Variants in IARS2 observed in about 807,000 individuals in gnomAD.
The protein encoded by IARS2 is isoleucine--tRNA ligase, mitochondrial.
IARS2 carries 56 observed loss-of-function variants against 126.3 expected under a neutral mutation model. The observed-to-expected ratio is 0.44, with a 90% CI of 0.36 to 0.55. The LOEUF (loss-of-function observed/expected upper bound fraction) is 0.55, where lower values mean the gene tolerates loss of function less well. IARS2 is among the 20% of genes least tolerant of loss of function. The pLI is 0.00. For synonymous variants in IARS2, 407 were observed against 441.1 expected (o/e 0.92, Z 0.97); for missense variants, 1,127 against 1,245.9 (o/e 0.90, Z 1.44).
intron 18 of IARS2, among the ~76,000 whole-genome samples, chr1:220,139,665 C>T (rs1305511205): frequency 2.6e-5 from 4 of 151,974 alleles, no homozygotes; most frequent in Middle Eastern, 3.2e-3. Context: ...GCAGGAGAAT[C>T]GCTTGAGCCC....
chr1:220,147,590 A>C lies in IARS2; in HGVS notation c.2994A>C (p.Ser998=). 6.2e-7 allele frequency: 1 copy of C among 1,614,176 alleles called. No individual in the cohort carries two copies. The highest frequency in any genetic ancestry group is 1.3e-5 in the African/African-American group (1 of 75,052). ...GTTGGAAGTATACAGCGGAGTCTTC[A>C]GATACACTGTGTCCTCGATGTGCAG... The part of the protein sequence containing the change: ...PRCWKYTAES[S]DTLCPRCAEV... The change falls in exon 23 of 23, where the codon TCA becomes TCC. Residue 998 remains serine (S), a synonymous_variant. Coordinates refer to ENST00000366922, the MANE Select transcript of IARS2 (RefSeq NM_018060.4).
Position 220,147,987 on chromosome 1 carries a change from T to C in IARS2, c.*352T>C, listed in dbSNP as rs1178788963. Reference sequence around the variant, plus strand: ...TGTTTTATATTTTATAAATCATCTTTTGACTCTGTATTTAAATTCTATGAT... The same window carrying C: ...TGTTTTATATTTTATAAATCATCTTCTGACTCTGTATTTAAATTCTATGAT... On this transcript the variant is annotated 3_prime_UTR_variant, in exon 23 of 23. Coordinates refer to ENST00000366922, the MANE Select transcript of IARS2 (RefSeq NM_018060.4). 2.6e-6 allele frequency: 1 copy of C among 389,866 alleles called. No homozygotes were observed. The highest frequency in any genetic ancestry group is 2.1e-5 in the African/African-American group (1 of 48,444). 24.2% of individuals were successfully genotyped at this position (389,866 alleles called of 1,614,324 possible). A position where few individuals can be genotyped will look rare whatever the true frequency, so the allele number is the denominator to read the frequency against.
intron 12 of IARS2, among the ~76,000 whole-genome samples, chr1:220,116,094 A>G (rs1168513842): frequency 6.6e-6 from 1 of 152,144 alleles, no homozygotes; most frequent in African/African-American, 2.4e-5. Flanking sequence ...CTGTAGTCCC[A>G]GCGACTTGGG....
At chr1:220,111,972 GT>G (rs947986188) in intron 11 of IARS2, among the ~76,000 whole-genome samples, 11 of 148,712 alleles carry the variant, frequency 7.4e-5, no homozygotes, top group East Asian at 2.0e-4. Context: ...TTTAAGCCAA[GT>G]TTTTTTTTTA....
In IARS2 at chr1:220,102,592, G is replaced by C; in HGVS notation, c.847G>C (p.Ala283Pro). 2 of 1,609,884 alleles carry C rather than the reference G, an allele frequency of 1.2e-6. No individual in the cohort carries two copies. Among genetic ancestry groups the C allele is most frequent in the Non-Finnish European group, 1.7e-6 (2 of 1,176,348 alleles). The change falls in exon 6 of 23, where the codon GCA (alanine) becomes CCA (proline). Residue 283 changes from alanine to proline, a missense_variant. Coordinates refer to ENST00000366922, the MANE Select transcript of IARS2 (RefSeq NM_018060.4). ...FPLLKPSPKL[A>P]SLIDGSSPVS... ...TCTCTTAAAGCCTTCTCCAAAATTG[G>C]CATCTCTTATAGGTAAGATTTATTC...
intron 12 of IARS2, among the ~76,000 whole-genome samples, chr1:220,120,085 T>C (rs1452120214): frequency 6.6e-6 from 1 of 150,688 alleles, no homozygotes; most frequent in East Asian, 1.9e-4. Flanking sequence ...TGTCACACTT[T>C]TTTTTTTTTT....
At chr1:220,120,128 C>G (rs2102828996) in intron 12 of IARS2, among the ~76,000 whole-genome samples, 1 of 149,286 alleles carries the variant, frequency 6.7e-6, no homozygotes, top group Non-Finnish European at 1.5e-5. Context: ...GTTCCCCAGG[C>G]TGGAGTGCAA....
chr1:220,096,151 A>C lies in IARS2; in HGVS notation c.315A>C (p.Val105=), dbSNP rs1014611676. Reference sequence around the variant, plus strand: ...ATTCATGGCAAAGAGAAAGAAAAGTAAAGACAGAATTTTGCCTTCATGATG... The same window carrying C: ...ATTCATGGCAAAGAGAAAGAAAAGTCAAGACAGAATTTTGCCTTCATGATG... The part of the protein sequence containing the change: ...ELYSWQRERK[V]KTEFCLHDGP... The change falls in exon 2 of 23, where the codon GTA becomes GTC. Residue 105 remains valine (V), a synonymous_variant. Coordinates refer to ENST00000366922, the MANE Select transcript of IARS2 (RefSeq NM_018060.4). 1.9e-6 allele frequency: 3 copies of C among 1,552,938 alleles called. No homozygotes were observed. The South Asian group carries it at 3.4e-5, about 18-fold the overall frequency.
chr1:220,094,710 TTAA>T (rs1558117105), intron 1 of IARS2, among the ~76,000 whole-genome samples: 1 of 152,334 alleles, frequency 6.6e-6, no homozygotes, highest in East Asian at 1.9e-4. Context: ...GAGCGGGACA[TTAA>T]GGGGTCACTA....
chr1:220,126,061 C>T (rs1330580446), intron 13 of IARS2, among the ~76,000 whole-genome samples: 6 of 149,238 alleles, frequency 4.0e-5, no homozygotes, highest in Admixed American at 3.4e-4. Flanking sequence ...GAGCCGAGAT[C>T]GCACCACTGC....
chr1:220,140,085 T>C, intron 18 of IARS2, 98 bp from the exon 19 acceptor site: 4 of 714,304 alleles, frequency 5.6e-6, no homozygotes, highest in Non-Finnish European at 1.0e-5. Flanking sequence ...TTTGTCTCAT[T>C]GAAACATATT....
At position 220,102,286 on chromosome 1, in the gene IARS2, G is replaced by A. The variant is rs1656594338; in HGVS notation, c.699+9G>A. On this transcript the variant is annotated intron_variant, in intron 4 of 22. Coordinates refer to ENST00000366922, the MANE Select transcript of IARS2 (RefSeq NM_018060.4). The stretch of plus-strand genomic sequence containing the variant: ...ACCAAATGTATGATAAGGTAAAGAA[G>A]TATTTTTTCTCTTTGAGTAGGTTTT... The A allele has an allele frequency of 6.2e-7, 1 of 1,603,964 alleles. No individual in the cohort carries two copies. Among genetic ancestry groups the A allele is most frequent in the Admixed American group, 1.8e-5 (1 of 56,840 alleles).
Position 220,094,257 on chromosome 1 carries a change from C to T in IARS2, c.41C>T (p.Ala14Val), listed in dbSNP as rs2577154. The T allele has an allele frequency of 8.2e-3, 13,124 of 1,605,590 alleles. 845 individuals carry two copies. The African/African-American group carries it at 0.15, about 18-fold the overall frequency. The change falls in exon 1 of 23, where the codon GCC becomes GTC. Residue 14 changes from alanine (A) to valine (V), a missense_variant. Ala to Val is a moderately conservative substitution (Grantham distance 64, BLOSUM62 0). Transcript: ENST00000366922. ...CGCCCTCGCGGGCCGGGCGCGGCCGCCCTGGCCACTGCCCGAAGTTTGTGG... is the reference window on the plus strand; with the variant it reads ...CGCCCTCGCGGGCCGGGCGCGGCCGTCCTGGCCACTGCCCGAAGTTTGTGG... ...GLRPRGPGAA[A>V]LATARSLWGT...
At position 220,102,119 on chromosome 1, in the gene IARS2, T is replaced by C. The variant is rs1656588209; in HGVS notation, c.551-10T>C. On this transcript the variant is annotated splice_polypyrimidine_tract_variant and intron_variant, in intron 3 of 22. Coordinates refer to ENST00000366922, the MANE Select transcript of IARS2 (RefSeq NM_018060.4). ...GGTTTTTTAAAATCTTTTTTTCGTC[T>C]TTTTTTTAGCTAGATCATTTGCTAA... 2 of 1,574,024 alleles carry C rather than the reference T, an allele frequency of 1.3e-6. No individual in the cohort carries two copies. The highest frequency in any genetic ancestry group is 1.4e-5 in the African/African-American group (1 of 72,712).
intron 11 of IARS2, among the ~76,000 whole-genome samples, chr1:220,113,482 G>C (rs1656851514): frequency 6.6e-6 from 1 of 152,150 alleles, no homozygotes; most frequent in Middle Eastern, 3.2e-3. Flanking sequence ...CCTTTTTGGA[G>C]ACTATTAGTA....
intron 15 of IARS2, among the ~76,000 whole-genome samples, 167 bp from the exon 16 acceptor site, chr1:220,136,642 A>G (rs996849809): frequency 1.3e-4 from 19 of 151,734 alleles, no homozygotes; most frequent in Non-Finnish European, 2.7e-4. Context: ...CTCAAAAAAA[A>G]AAAAAAAAAA....
At chr1:220,124,166 A>G (rs906952112) in intron 12 of IARS2, among the ~76,000 whole-genome samples, 2 of 152,272 alleles carry the variant, frequency 1.3e-5, no homozygotes, top group Non-Finnish European at 2.9e-5. Flanking sequence ...AGGAAGCTGT[A>G]ATAGCAACAA....
Position 220,103,301 on chromosome 1 carries a change from G to A in IARS2, c.951-146G>A. On this transcript the variant is annotated intron_variant, in intron 7 of 22. Coordinates refer to ENST00000366922, the MANE Select transcript of IARS2 (RefSeq NM_018060.4). Reference sequence around the variant, plus strand: ...AACCTCAGGTGATCCACCTGCCTTGGCCTCCCAAAGTGCTGGGATTATAGA... The same window carrying A: ...AACCTCAGGTGATCCACCTGCCTTGACCTCCCAAAGTGCTGGGATTATAGA... 9 of 560,808 alleles carry A rather than the reference G, an allele frequency of 1.6e-5. No individual in the cohort carries two copies. In the South Asian group the frequency reaches 2.2e-4, roughly 14 times the overall value. 34.7% of individuals were successfully genotyped at this position (560,808 alleles called of 1,614,324 possible).
chr1:220,101,609 C>T (rs892745844), intron 3 of IARS2, among the ~76,000 whole-genome samples: 1 of 148,576 alleles, frequency 6.7e-6, no homozygotes, highest in African/African-American at 2.5e-5. Context: ...GGCTGAGGCA[C>T]GAGAATTGCT....
Sources: allele counts gnomAD v4.1 joint callset (sites outside exome capture counted in the v4.1 genomes callset), GRCh38; gene constraint gnomAD v4.1.1; transcripts MANE v1.5; gene names NCBI Gene and HGNC (gene_info 2026-07-23, HGNC 2026-07-21).